Variants in SAMD11 observed in about 807,000 individuals in gnomAD.
SAMD11 encodes sterile alpha motif domain-containing protein 11.
In SAMD11, 77 loss-of-function variants were observed where a neutral mutation model predicts 64.4. The observed-to-expected ratio is 1.20, with a 90% CI of 0.99 to 1.44. SAMD11 has a LOEUF of 1.44. SAMD11 is among the 40% of genes most tolerant of loss of function. SAMD11 has a pLI of 0.00. For synonymous variants in SAMD11, 658 were observed against 421.9 expected (o/e 1.56, Z -6.86); for missense variants, 1,402 against 943.3 (o/e 1.49, Z -6.37).
intron 2 of SAMD11, among the ~76,000 whole-genome samples, chr1:928,565 G>T (rs1423555804): frequency 2.0e-5 from 3 of 152,274 alleles, no homozygotes; most frequent in Admixed American, 1.3e-4. Context: ...GGAGGCCCGG[G>T]CACAGACAGG....
intron 2 of SAMD11, among the ~76,000 whole-genome samples, chr1:927,179 T>TGCAGACA (rs1362237103): frequency 1.4e-4 from 22 of 152,160 alleles, no homozygotes; most frequent in Non-Finnish European, 3.1e-4. Context: ...CAGGCAGGTG[T>TGCAGACA]GCAGACAGCC....
Position 933,119 on chromosome 1 carries a change from G to A in SAMD11, c.842+2030G>A, listed in dbSNP as rs1641246843. Among the ~76,000 whole-genome samples the A allele has an allele frequency of 2.6e-5, 4 of 152,192 alleles. No homozygotes were observed. In the South Asian group the frequency reaches 8.3e-4, roughly 31 times the overall value. ...CCGGCCCCACCACAGAGACTCTCAGGGGCTTCGTCCCTTGTGCGAAGCAGG... is the reference window on the plus strand; with the variant it reads ...CCGGCCCCACCACAGAGACTCTCAGAGGCTTCGTCCCTTGTGCGAAGCAGG... On this transcript the variant is annotated intron_variant, in intron 4 of 13. Transcript: ENST00000616016.
chr1:932,034 T>C (rs889319967), intron 4 of SAMD11, among the ~76,000 whole-genome samples: 1 of 152,198 alleles, frequency 6.6e-6, no homozygotes, highest in African/African-American at 2.4e-5. Flanking sequence ...GTGTCTTGGC[T>C]CCACGCCAGA....
intron 4 of SAMD11, among the ~76,000 whole-genome samples, chr1:933,754 C>A (rs941855018): frequency 6.6e-6 from 1 of 152,058 alleles, no homozygotes; most frequent in Non-Finnish European, 1.5e-5. Context: ...GGGGGGCTTC[C>A]TTTCCCACTG....
intron 9 of SAMD11, 76 bp from the exon 10 acceptor site, chr1:942,334 C>T (rs1641829319): frequency 2.4e-5 from 26 of 1,099,696 alleles, no homozygotes; most frequent in Admixed American, 1.1e-4. Flanking sequence ...CCGAGACGGA[C>T]CGGGTAGGGG....
chr1:935,403 G>A (rs1208739526), intron 4 of SAMD11, among the ~76,000 whole-genome samples: 1 of 152,042 alleles, frequency 6.6e-6, no homozygotes, highest in Non-Finnish European at 1.5e-5. Flanking sequence ...GACTGCCCCT[G>A]AGCAGATCGG....
Position 930,263 on chromosome 1 carries a change from A to G in SAMD11, c.718A>G (p.Ser240Gly), listed in dbSNP as rs1411785489. ...FSASDGDSDG[S>G]GPTCGRRPGL... is the part of the protein sequence containing the mutation. ...TGCCAGCGATGGTGACAGCGACGGG[A>G]GTGGCCCCACCTGTGGGCGGCGGCC... Residue 240 changes from serine (S) to glycine (G), a missense_variant, in exon 3 of 14, where the codon AGT (serine) becomes GGT (glycine). Transcript: ENST00000616016. The G allele has an allele frequency of 1.2e-6, 2 of 1,607,956 alleles. No individual in the cohort carries two copies. Among genetic ancestry groups the G allele is most frequent in the Admixed American group, 3.4e-5 (2 of 59,366 alleles).
chr1:941,911 C>G (rs1169108731), intron 8 of SAMD11, among the ~76,000 whole-genome samples: 2 of 152,012 alleles, frequency 1.3e-5, no homozygotes, highest in African/African-American at 4.8e-5. Context: ...GCAGTAATTA[C>G]CGCTGCAGCC....
At chr1:940,301 C>CCCCCA (rs1553159948) in intron 7 of SAMD11, 1 of 143,018 alleles carries the variant, frequency 7.0e-6, no homozygotes, top group Non-Finnish European at 1.6e-5. Context: ...CCGCCGCCCC[C>CCCCCA]CCCCCCCGCC....
chr1:943,345 G>C lies in SAMD11; in HGVS notation c.2146G>C (p.Gly716Arg). ...WTVDDVCSFV[G>R]GLSGCGEYTR... is the part of the protein sequence containing the mutation. Reference sequence around the variant, plus strand: ...CGTGGATGACGTCTGCAGCTTCGTGGGGGGCCTGTCTGGCTGTGGAGAGTA... The same window carrying C: ...CGTGGATGACGTCTGCAGCTTCGTGCGGGGCCTGTCTGGCTGTGGAGAGTA... The change falls in exon 12 of 14, where the codon GGG becomes CGG. Residue 716 changes from glycine (G) to arginine (R), a missense_variant. Gly to Arg is a moderately radical substitution (Grantham distance 125, BLOSUM62 -2). Transcript: ENST00000616016. The C allele has an allele frequency of 1.3e-6, 2 of 1,597,158 alleles. No homozygotes were observed. Among genetic ancestry groups the C allele is most frequent in the Non-Finnish European group, 1.7e-6 (2 of 1,170,962 alleles).
At chr1:941,391 A>T in intron 8 of SAMD11, 85 bp downstream of exon 8, 3 of 1,310,834 alleles carry the variant, frequency 2.3e-6, no homozygotes, top group Admixed American at 2.6e-5. Context: ...GCGCCCCGAG[A>T]GTGCCAAGCA....
chr1:930,240 C>A lies in SAMD11; in HGVS notation c.695C>A (p.Ala232Asp). The A allele has an allele frequency of 1.2e-6, 2 of 1,600,798 alleles. No individual in the cohort carries two copies. The highest frequency in any genetic ancestry group is 1.1e-5 in the South Asian group (1 of 88,744). The change falls in exon 3 of 14, where the codon GCC (alanine) becomes GAC (aspartate). Residue 232 changes from alanine (A) to aspartate (D), a missense_variant. Coordinates refer to ENST00000616016, the MANE Select transcript of SAMD11 (RefSeq NM_001385641.1). ...AAGGAGCGAACTCCCAGCTTCTCTG[C>A]CAGCGATGGTGACAGCGACGGGAGT... ...LKKERTPSFSASDGDSDGSGP... is the reference protein window; with the variant it reads ...LKKERTPSFSDSDGDSDGSGP...
At chr1:929,181 C>T (rs1340385543) in intron 2 of SAMD11, among the ~76,000 whole-genome samples, 1 of 152,226 alleles carries the variant, frequency 6.6e-6, no homozygotes, top group Non-Finnish European at 1.5e-5. Context: ...CGCTGGTGTG[C>T]TGTGCAGGGT....
At chr1:939,159 T>C (rs1569900691) in intron 6 of SAMD11, 30 bp downstream of exon 6, 1 of 1,561,052 alleles carries the variant, frequency 6.4e-7, no homozygotes. Context: ...GAGAGACAGG[T>C]CACCAGGGGA....
At chr1:943,592 T>G (rs1000823443) in intron 12 of SAMD11, 106 bp from the exon 13 acceptor site, 45 of 1,288,554 alleles carry the variant, frequency 3.5e-5, no homozygotes, top group Non-Finnish European at 4.0e-5. Context: ...CAGATCACTG[T>G]TTTTAAAAAA....
intron 8 of SAMD11, among the ~76,000 whole-genome samples, chr1:941,814 G>C (rs911674005): frequency 2.6e-5 from 4 of 152,126 alleles, no homozygotes; most frequent in African/African-American, 4.8e-5. Context: ...TGCCTCCACC[G>C]CCGCCCGGAT....
rs915377099 is a variant in SAMD11 at position 941,524 on chromosome 1, TGGA to T, written c.1358+223_1358+225del. Among the ~76,000 whole-genome samples, 7 of 151,800 alleles carry T rather than the reference TGGA, an allele frequency of 4.6e-5. 1 individual carries two copies. Among genetic ancestry groups the T allele is most frequent in the South Asian group, 4.2e-4 (2 of 4,810 alleles). ...GGCTGAGGCCCATCAGGGGGTTCCCTGGAGGAGAAGCCAGAGAAGGGGAGAGCT... is the reference window on the plus strand; with the variant it reads ...GGCTGAGGCCCATCAGGGGGTTCCCTGGAGAAGCCAGAGAAGGGGAGAGCT... On this transcript the variant is annotated intron_variant, in intron 8 of 13. Transcript: ENST00000616016.
intron 4 of SAMD11, among the ~76,000 whole-genome samples, chr1:931,663 A>G (rs1482544433): frequency 6.6e-6 from 1 of 152,176 alleles, no homozygotes; most frequent in African/African-American, 2.4e-5. Context: ...GGAGCCACCG[A>G]AAGTTCTTGA....
rs1557601445 is a variant in SAMD11 at position 930,229 on chromosome 1, C to T, written c.684C>T (p.Pro228=). The stretch of plus-strand genomic sequence containing the variant: ...GGAACCTGAAGAAGGAGCGAACTCC[C>T]AGCTTCTCTGCCAGCGATGGTGACA... The part of the protein sequence containing the change: ...AARNLKKERT[P]SFSASDGDSD... The change falls in exon 3 of 14, where the codon CCC becomes CCT. Residue 228 remains proline, a synonymous_variant. Transcript: ENST00000616016. 1 of 1,594,398 alleles carries T rather than the reference C, an allele frequency of 6.3e-7. No homozygotes were observed. Among genetic ancestry groups the T allele is most frequent in the Non-Finnish European group, 8.5e-7 (1 of 1,171,020 alleles).
Sources: gnomAD v4.1 joint callset for allele counts (sites outside exome capture counted in the v4.1 genomes callset) on GRCh38, gnomAD v4.1.1 for gene constraint, MANE v1.5 for transcripts, NCBI Gene and HGNC (gene_info 2026-07-23, HGNC 2026-07-21) for gene names.